Variants in SORBS2 observed in about 807,000 individuals in gnomAD.
SORBS2 encodes sorbin and SH3 domain-containing protein 2.
A neutral mutation model predicts 97.7 loss-of-function variants in SORBS2; 46 were observed. The observed-to-expected ratio is 0.47, with a 90% CI of 0.37 to 0.60. The LOEUF (loss-of-function observed/expected upper bound fraction) is 0.60, where lower values mean the gene tolerates loss of function less well. SORBS2 is among the 20% of genes least tolerant of loss of function. The pLI is 0.00. For synonymous variants in SORBS2, 476 were observed against 473.4 expected (o/e 1.01, Z -0.07); for missense variants, 1,316 against 1,282.3 (o/e 1.03, Z -0.40).
chr4:185,830,589 A>G (rs1457227796), intron 1 of SORBS2, among the ~76,000 whole-genome samples: 1 of 152,246 alleles, frequency 6.6e-6, no homozygotes, highest in Non-Finnish European at 1.5e-5. Context: ...CTTCGGGGAA[A>G]GTAAAAGCTC....
intron 9 of SORBS2, among the ~76,000 whole-genome samples, chr4:185,617,364 T>C (rs957087495): frequency 6.6e-6 from 1 of 152,184 alleles, no homozygotes; most frequent in Non-Finnish European, 1.5e-5. Context: ...ATGTTCAACA[T>C]CTTAATTTCT....
chr4:185,647,149 C>T (rs964776759), intron 3 of SORBS2, among the ~76,000 whole-genome samples: 12 of 152,092 alleles, frequency 7.9e-5, no homozygotes, highest in Admixed American at 7.9e-4. Context: ...GATCTTATTT[C>T]TTGAAGTGGG....
chr4:185,863,950 G>T (rs1297505721), intron 1 of SORBS2, among the ~76,000 whole-genome samples: 3 of 152,172 alleles, frequency 2.0e-5, no homozygotes, highest in Non-Finnish European at 2.9e-5. Flanking sequence ...GAAGATAAAG[G>T]TCTCTACAGG....
chr4:185,586,031 C>T (rs1410455168), exon 15 of SORBS2: 1 of 152,350 alleles, frequency 6.6e-6, no homozygotes, highest in African/African-American at 2.4e-5. Context: ...AGTGTTGTCG[C>T]AGGATAAAGA....
At chr4:185,874,973 C>G (rs1316931329) in intron 1 of SORBS2, among the ~76,000 whole-genome samples, 1 of 151,282 alleles carries the variant, frequency 6.6e-6, no homozygotes, top group Non-Finnish European at 1.5e-5. Context: ...GAATATCTGG[C>G]TGAATGGGAT....
intron 1 of SORBS2, among the ~76,000 whole-genome samples, chr4:185,656,359 T>C (rs1391673894): frequency 1.3e-5 from 2 of 152,100 alleles, no homozygotes; most frequent in Non-Finnish European, 1.5e-5. Context: ...AATCCCCATA[T>C]AAGAATGTAA....
intron 1 of SORBS2, among the ~76,000 whole-genome samples, chr4:185,936,476 G>A (rs921519431): frequency 3.9e-5 from 6 of 152,202 alleles, no homozygotes; most frequent in African/African-American, 1.4e-4. Flanking sequence ...GGATATTTAG[G>A]AGAAGGAGGT....
intron 1 of SORBS2, among the ~76,000 whole-genome samples, chr4:185,653,416 G>A (rs2097345489): frequency 6.6e-6 from 1 of 152,208 alleles, no homozygotes; most frequent in Admixed American, 6.5e-5. Context: ...GCAGTAGGCT[G>A]TAGTGGAAAG....
At chr4:185,587,874 C>G (rs1041614891) in intron 14 of SORBS2, 186 bp from the exon 27 acceptor site, 1 of 531,784 alleles carries the variant, frequency 1.9e-6, no homozygotes, top group African/African-American at 1.9e-5. Context: ...GGTTGCCTGA[C>G]GCTCTCACTG....
At chr4:185,609,375 GAGAA>G (rs1428472026) in intron 12 of SORBS2, among the ~76,000 whole-genome samples, 24 of 152,290 alleles carry the variant, frequency 1.6e-4, no homozygotes, top group Non-Finnish European at 2.8e-4. Context: ...TTATGTAGAT[GAGAA>G]AGAAAGATCT....
At chr4:185,614,155 T>C (rs926044369) in intron 11 of SORBS2, among the ~76,000 whole-genome samples, 1 of 145,024 alleles carries the variant, frequency 6.9e-6, no homozygotes, top group Admixed American at 7.3e-5. Flanking sequence ...GATTGTTTTT[T>C]TGTGTTTTTT....
At chr4:185,951,265 A>G (rs2099277095) in intron 1 of SORBS2, among the ~76,000 whole-genome samples, 1 of 152,188 alleles carries the variant, frequency 6.6e-6, no homozygotes, top group African/African-American at 2.4e-5. Context: ...TTGAACAGAC[A>G]TGAGAAGAGT....
intron 2 of SORBS2, among the ~76,000 whole-genome samples, chr4:185,732,434 G>C (rs957982228): frequency 3.3e-5 from 5 of 152,182 alleles, no homozygotes; most frequent in Non-Finnish European, 7.3e-5. Flanking sequence ...GGTTTTAGAG[G>C]TTCATGATTT....
At chr4:185,884,364 A>G (rs1483583457) in intron 1 of SORBS2, among the ~76,000 whole-genome samples, 2 of 152,226 alleles carry the variant, frequency 1.3e-5, no homozygotes, top group African/African-American at 2.4e-5. Context: ...TGATGTTTAT[A>G]GTAGGGTGAT....
chr4:185,658,120 GC>G (rs1390526525), upstream of SORBS2, among the ~76,000 whole-genome samples: 3 of 152,070 alleles, frequency 2.0e-5, no homozygotes, highest in African/African-American at 7.2e-5. Context: ...TAAAAATGAA[GC>G]AAAACCAAAA....
intron 2 of SORBS2, among the ~76,000 whole-genome samples, chr4:185,716,369 C>A (rs1330092018): frequency 6.6e-6 from 1 of 152,254 alleles, no homozygotes. Context: ...ACGGTGCCAA[C>A]CTCCTGGGGT....
chr4:185,659,565 C>T (rs192523315), upstream of SORBS2, among the ~76,000 whole-genome samples: 457 of 149,722 alleles, frequency 3.1e-3, 2 homozygotes, highest in African/African-American at 9.9e-3. Context: ...TACAGGTGCC[C>T]GCCATCACGC....
chr4:185,685,894 A>ATAATGTGAAATAATGTGATGTGAAGTC (rs1316546322), intron 2 of SORBS2, among the ~76,000 whole-genome samples: 1 of 152,216 alleles, frequency 6.6e-6, no homozygotes, highest in Non-Finnish European at 1.5e-5. Context: ...TGTGAAATAA[A>ATAATGTGAAATAATGTGATGTGAAGTC]ATCAGTGTAA....
intron 13 of SORBS2, chr4:185,592,905 C>T (rs906600222): frequency 6.6e-6 from 1 of 152,190 alleles, no homozygotes; most frequent in Non-Finnish European, 1.5e-5. Flanking sequence ...GACTTTCCCG[C>T]AACAAGAACA....
Sources: allele counts gnomAD v4.1 joint callset (sites outside exome capture counted in the v4.1 genomes callset), GRCh38; gene constraint gnomAD v4.1.1; transcripts MANE v1.5; gene names NCBI Gene and HGNC (gene_info 2026-07-23, HGNC 2026-07-21).